The following ESRRB variants were observed in gnomAD, a reference collection of about 807,000 sequenced individuals.
The protein encoded by ESRRB is estrogen related receptor beta, also known as steroid hormone receptor ERR2.
In ESRRB, 16 loss-of-function variants were observed where a neutral mutation model predicts 46.0. The observed-to-expected ratio is 0.35, with a 90% CI of 0.24 to 0.53. ESRRB has a LOEUF of 0.53. ESRRB is among the 20% of genes least tolerant of loss of function. The pLI, the probability that ESRRB is intolerant of heterozygous loss-of-function variation, is 0.93. For missense variants in ESRRB, 488 were observed against 607.4 expected, an observed-to-expected ratio of 0.80 and a Z score of 2.07; for synonymous variants, 246 against 259.6, an observed-to-expected ratio of 0.95 and a Z score of 0.50.
At chr14:76,349,501 G>A (rs1238148797) in intron 1 of ESRRB, among the ~76,000 whole-genome samples, 4 of 152,156 alleles carry the variant, frequency 2.6e-5, no homozygotes, top group African/African-American at 7.2e-5. Context: ...GGCCTCCTGC[G>A]AGATGCTCAA....
At chr14:76,419,117 C>T (rs935994258) in intron 1 of ESRRB, among the ~76,000 whole-genome samples, 3 of 151,862 alleles carry the variant, frequency 2.0e-5, no homozygotes, top group South Asian at 2.1e-4. Flanking sequence ...CAGGTTCAAA[C>T]GATTCTCCTG....
chr14:76,454,741 G>C (rs1044483672), intron 2 of ESRRB, among the ~76,000 whole-genome samples: 1 of 152,222 alleles, frequency 6.6e-6, no homozygotes, highest in Non-Finnish European at 1.5e-5. Context: ...CTTTGCCCTG[G>C]AGTTTAGATT....
chr14:76,397,697 G>A (rs1417833234), intron 1 of ESRRB, among the ~76,000 whole-genome samples: 1 of 152,140 alleles, frequency 6.6e-6, no homozygotes, highest in Non-Finnish European at 1.5e-5. Flanking sequence ...TTGAGACCAG[G>A]AGTTCGAGAC....
intron 3 of ESRRB, 106 bp downstream of exon 3, chr14:76,462,767 G>T: frequency 3.4e-6 from 3 of 886,368 alleles, no homozygotes; most frequent in Non-Finnish European, 5.7e-6. Flanking sequence ...CCCAGGGTGA[G>T]ACCCAGTCTG....
Position 76,500,589 on chromosome 14 carries a change from C to A in ESRRB, c.*2131C>A. On this transcript the variant is annotated 3_prime_UTR_variant, in exon 7 of 7. Coordinates refer to ENST00000644823, the MANE Select transcript of ESRRB (RefSeq NM_001379180.1). Reference sequence around the variant, plus strand: ...AGTCTCTCACTGTGCTGTGTCCTTGCAGCGGGGCCGAGGTAGCACCCTGCT... The same window carrying A: ...AGTCTCTCACTGTGCTGTGTCCTTGAAGCGGGGCCGAGGTAGCACCCTGCT... 2 of 1,111,358 alleles carry A rather than the reference C, an allele frequency of 1.8e-6. No individual in the cohort carries two copies. The highest frequency in any genetic ancestry group is 1.4e-6 in the Non-Finnish European group (1 of 727,834). 68.8% of individuals were successfully genotyped at this position (1,111,358 alleles called of 1,614,324 possible).
At chr14:76,489,274 G>A (rs1031365748) in intron 5 of ESRRB, among the ~76,000 whole-genome samples, 3 of 151,646 alleles carry the variant, frequency 2.0e-5, no homozygotes, top group Non-Finnish European at 4.4e-5. Flanking sequence ...CACACTCTCC[G>A]GTGCTGGCTG....
intron 1 of ESRRB, among the ~76,000 whole-genome samples, chr14:76,382,188 C>A (rs906648428): frequency 6.6e-6 from 1 of 152,154 alleles, no homozygotes; most frequent in Admixed American, 6.5e-5. Flanking sequence ...GGTGGGTAGT[C>A]CCCTTTAAGA....
At chr14:76,387,707 G>A (rs1595069697) in intron 1 of ESRRB, among the ~76,000 whole-genome samples, 1 of 152,210 alleles carries the variant, frequency 6.6e-6, no homozygotes, top group Non-Finnish European at 1.5e-5. Flanking sequence ...ATATGCAGAA[G>A]CCGTGCAGCC....
At chr14:76,395,896 C>G (rs187654341) in intron 1 of ESRRB, among the ~76,000 whole-genome samples, 1 of 151,894 alleles carries the variant, frequency 6.6e-6, no homozygotes, top group Non-Finnish European at 1.5e-5. Flanking sequence ...GGCCTTCAGC[C>G]GGGCATGGTG....
At chr14:76,444,362 G>A (rs72731660) in intron 2 of ESRRB, among the ~76,000 whole-genome samples, 12,302 of 152,122 alleles carry the variant, frequency 0.081, 778 homozygotes, top group African/African-American at 0.17. Context: ...CGTAGCAACT[G>A]TAGAACATCT....
chr14:76,390,171 G>T (rs992230224), intron 1 of ESRRB, among the ~76,000 whole-genome samples: 1 of 152,136 alleles, frequency 6.6e-6, no homozygotes, highest in Non-Finnish European at 1.5e-5. Context: ...GATCTTCCAC[G>T]TTAGATTGCT....
intron 1 of ESRRB, among the ~76,000 whole-genome samples, chr14:76,400,425 C>T (rs1477156798): frequency 6.6e-6 from 1 of 152,198 alleles, no homozygotes; most frequent in African/African-American, 2.4e-5. Flanking sequence ...TGACAAGAGC[C>T]GGAAGCCTTC....
At chr14:76,407,428 G>A (rs966042663) in intron 1 of ESRRB, 37 of 498,662 alleles carry the variant, frequency 7.4e-5, no homozygotes, top group Middle Eastern at 1.0e-3. Context: ...GGGCCGAAGA[G>A]CCTGCATCGA....
intron 5 of ESRRB, among the ~76,000 whole-genome samples, chr14:76,489,927 A>C (rs1386874176): frequency 6.6e-6 from 1 of 152,214 alleles, no homozygotes. Context: ...TAGTAACAAC[A>C]GCCACAGCCA....
chr14:76,473,804 C>G (rs999445343), intron 3 of ESRRB, among the ~76,000 whole-genome samples: 2 of 152,222 alleles, frequency 1.3e-5, no homozygotes, highest in African/African-American at 4.8e-5. Flanking sequence ...TGTAAGGTGC[C>G]GGCTGTGGAC....
chr14:76,341,241 C>A (rs1022587872), intron 1 of ESRRB, among the ~76,000 whole-genome samples: 1 of 152,234 alleles, frequency 6.6e-6, no homozygotes, highest in Non-Finnish European at 1.5e-5. Context: ...GAGTGCCCAG[C>A]CACGTTGCCC....
intron 1 of ESRRB, among the ~76,000 whole-genome samples, chr14:76,352,059 G>A (rs1884320839): frequency 6.6e-6 from 1 of 150,962 alleles, no homozygotes; most frequent in Non-Finnish European, 1.5e-5. Context: ...CCTGTTCGCT[G>A]TTGAGTCAGT....
At chr14:76,420,558 A>AGTGTGTGTGTGTGTGT (rs61137774) in intron 1 of ESRRB, among the ~76,000 whole-genome samples, 13 of 142,466 alleles carry the variant, frequency 9.1e-5, no homozygotes, top group African/African-American at 2.9e-4. Context: ...ACAGGGTGTG[A>AGTGTGTGTGTGTGTGT]GTGTGTGTGT....
chr14:76,482,794 G>A lies in ESRRB; in HGVS notation c.850+35G>A, dbSNP rs1335547433. ...TGGGACCAGGGGAGAGTGTGGCCAG[G>A]GACTCTCAGCCGGTATCTCCGCAGC... On this transcript the variant is annotated intron_variant, in intron 5 of 6. Coordinates refer to ENST00000644823, the MANE Select transcript of ESRRB (RefSeq NM_001379180.1). This position sits in a 1 kb window ranked among gnomAD's most constrained non-coding sequence, Gnocchi z 4.3. The A allele has an allele frequency of 1.2e-6, 2 of 1,611,936 alleles. No individual in the cohort carries two copies. Among genetic ancestry groups the A allele is most frequent in the Admixed American group, 1.7e-5 (1 of 59,990 alleles).
Sources: allele counts gnomAD v4.1 joint callset (sites outside exome capture counted in the v4.1 genomes callset), GRCh38; gene constraint gnomAD v4.1.1; non-coding constraint Gnocchi (gnomAD v3.1); transcripts MANE v1.5; gene names NCBI Gene and HGNC (gene_info 2026-07-23, HGNC 2026-07-21).